Variants in KIAA1217 observed in about 807,000 individuals in gnomAD.
KIAA1217 encodes KIAA1217.
Under a neutral mutation model 163.9 loss-of-function variants are expected in KIAA1217, and 88 were observed. The ratio of observed to expected loss-of-function variants is 0.54; its 90% CI spans 0.45 to 0.64. The LOEUF (loss-of-function observed/expected upper bound fraction) is 0.64. KIAA1217 is among the 30% of genes least tolerant of loss of function. The pLI is 0.00. For synonymous variants in KIAA1217, 903 were observed against 923.1 expected, an observed-to-expected ratio of 0.98 and a Z score of 0.39; for missense variants, 2,372 against 2,475.0, an observed-to-expected ratio of 0.96 and a Z score of 0.88.
intron 2 of KIAA1217, among the ~76,000 whole-genome samples, chr10:24,237,953 G>A (rs776144443): frequency 6.6e-6 from 1 of 152,174 alleles, no homozygotes; most frequent in Admixed American, 6.5e-5. Flanking sequence ...GATCCAAAGC[G>A]TTTACAATTC....
At chr10:23,936,455 G>C (rs933545729) in intron 1 of KIAA1217, among the ~76,000 whole-genome samples, 2 of 152,212 alleles carry the variant, frequency 1.3e-5, no homozygotes, top group Admixed American at 1.3e-4. Context: ...TAATTAGGTT[G>C]TGATGAAGTC....
At chr10:24,138,753 A>C (rs2063935544) in intron 2 of KIAA1217, among the ~76,000 whole-genome samples, 1 of 152,052 alleles carries the variant, frequency 6.6e-6, no homozygotes, top group African/African-American at 2.4e-5. Flanking sequence ...TCAAAATTGT[A>C]ATTACATTCT....
At chr10:24,483,002 AG>A (rs1391658528) in intron 6 of KIAA1217, 1 of 150,608 alleles carries the variant, frequency 6.6e-6, no homozygotes, top group Non-Finnish European at 1.5e-5. Context: ...CCTGGGCAAC[AG>A]AGCAAGATCC....
chr10:24,196,172 C>CAT (rs1222471443), intron 2 of KIAA1217, among the ~76,000 whole-genome samples: 16 of 146,658 alleles, frequency 1.1e-4, no homozygotes, highest in African/African-American at 3.2e-4. Context: ...CACACACACA[C>CAT]TGCCCTCACA....
intron 2 of KIAA1217, among the ~76,000 whole-genome samples, chr10:24,146,431 A>G (rs1303289002): frequency 6.6e-6 from 1 of 152,228 alleles, no homozygotes; most frequent in Non-Finnish European, 1.5e-5. Context: ...CCTTAATTGG[A>G]CACAATTTAA....
chr10:23,810,971 T>TTATATAA (rs1340273608), intron 1 of KIAA1217, among the ~76,000 whole-genome samples: 2 of 118,714 alleles, frequency 1.7e-5, no homozygotes, highest in Admixed American at 9.5e-5. Context: ...ATAGTATATA[T>TTATATAA]TATATACTAT....
At chr10:24,168,421 C>T (rs1242624139) in intron 2 of KIAA1217, among the ~76,000 whole-genome samples, 1 of 152,168 alleles carries the variant, frequency 6.6e-6, no homozygotes, top group Non-Finnish European at 1.5e-5. Context: ...ACAGCATGGC[C>T]TCTGTCCAAA....
chr10:24,040,413 T>C (rs1848581858), intron 2 of KIAA1217, among the ~76,000 whole-genome samples: 1 of 152,190 alleles, frequency 6.6e-6, no homozygotes, highest in African/African-American at 2.4e-5. Flanking sequence ...ACTGCTAATA[T>C]GATGAAGGAA....
chr10:24,056,706 T>C (rs1242386626), intron 2 of KIAA1217, among the ~76,000 whole-genome samples: 1 of 151,924 alleles, frequency 6.6e-6, no homozygotes, highest in Non-Finnish European at 1.5e-5. Context: ...ACTGAATACA[T>C]AAGGAAACAA....
intron 1 of KIAA1217, among the ~76,000 whole-genome samples, chr10:23,816,288 T>TGTTGTTTG (rs1210049468): frequency 5.3e-5 from 8 of 151,830 alleles, no homozygotes; most frequent in African/African-American, 1.9e-4. Flanking sequence ...TTGTTGTTGT[T>TGTTGTTTG]GTTGTTTGTT....
At chr10:24,026,956 C>T (rs1224789166) in intron 2 of KIAA1217, among the ~76,000 whole-genome samples, 1 of 151,788 alleles carries the variant, frequency 6.6e-6, no homozygotes, top group African/African-American at 2.4e-5. Flanking sequence ...TTATGTCATT[C>T]TAATTTTCAT....
At chr10:23,971,719 G>A (rs1486210056) in intron 1 of KIAA1217, among the ~76,000 whole-genome samples, 1 of 152,042 alleles carries the variant, frequency 6.6e-6, no homozygotes, top group Non-Finnish European at 1.5e-5. Flanking sequence ...ATCTCTTGTG[G>A]GGAAAATCTA....
chr10:23,913,277 A>G (rs1395386849), intron 1 of KIAA1217, among the ~76,000 whole-genome samples: 1 of 152,168 alleles, frequency 6.6e-6, no homozygotes, highest in African/African-American at 2.4e-5. Context: ...AAGTTGTCAT[A>G]CTGAATCAAT....
chr10:24,082,265 G>A (rs76245964), intron 2 of KIAA1217, among the ~76,000 whole-genome samples: 3,642 of 151,688 alleles, frequency 0.024, 58 homozygotes, highest in South Asian at 0.047. Context: ...TTATATTCCA[G>A]GGTACATGTG....
chr10:24,545,184 T>C, intron 20 of KIAA1217, 81 bp downstream of exon 20: 1 of 1,574,190 alleles, frequency 6.4e-7, no homozygotes, highest in Non-Finnish European at 8.7e-7. Flanking sequence ...CCAAATATTG[T>C]GCTTTCTTTG....
intron 2 of KIAA1217, among the ~76,000 whole-genome samples, chr10:24,227,129 GA>G (rs1398564486): frequency 1.4e-5 from 2 of 142,526 alleles, no homozygotes; most frequent in Non-Finnish European, 3.0e-5. Flanking sequence ...CAAAGAGTAA[GA>G]GAGATATAAA....
At position 24,543,315 on chromosome 10, in the gene KIAA1217, G is replaced by A; in HGVS notation, c.4045G>A (p.Val1349Ile). The change falls in exon 19 of 21, where the codon GTT becomes ATT. Residue 1349 changes from valine to isoleucine, a missense_variant. Physicochemically the swap from Val to Ile is conservative, Grantham distance 29. Coordinates refer to ENST00000376454, the MANE Select transcript of KIAA1217 (RefSeq NM_019590.5). Reference sequence around the variant, plus strand: ...TATCACGACAGATTTTGGCCAAGTTGTTCTAAGACCCAAGGAGGCAAGGCA... The same window carrying A: ...TATCACGACAGATTTTGGCCAAGTTATTCTAAGACCCAAGGAGGCAAGGCA... ...EVITTDFGQVVLRPKEARHAN... is the reference protein window; with the variant it reads ...EVITTDFGQVILRPKEARHAN... 1 of 1,614,138 alleles carries A rather than the reference G, an allele frequency of 6.2e-7. No homozygotes were observed. The highest frequency in any genetic ancestry group is 8.5e-7 in the Non-Finnish European group (1 of 1,180,018).
intron 1 of KIAA1217, among the ~76,000 whole-genome samples, chr10:23,801,873 G>A (rs528360448): frequency 1.3e-5 from 2 of 152,304 alleles, no homozygotes; most frequent in African/African-American, 2.4e-5. Context: ...TTTTGACAAC[G>A]TGATTAAAAC....
intron 1 of KIAA1217, among the ~76,000 whole-genome samples, chr10:23,892,526 G>A (rs1007426957): frequency 2.0e-5 from 3 of 151,858 alleles, no homozygotes; most frequent in Non-Finnish European, 4.4e-5. Context: ...CTAGGAGTCT[G>A]CTGGCAAACT....
Sources: allele counts gnomAD v4.1 joint callset (sites outside exome capture counted in the v4.1 genomes callset), GRCh38; gene constraint gnomAD v4.1.1; transcripts MANE v1.5; gene names NCBI Gene and HGNC (gene_info 2026-07-23, HGNC 2026-07-21).